SH3GL2: variants seen among roughly 807,000 people sequenced by gnomAD.
SH3GL2 encodes the protein SH3 domain containing GRB2 like 2, endophilin A1, also known as endophilin-A1.
Under a neutral mutation model 46.0 loss-of-function variants are expected in SH3GL2, and 24 were observed. The observed-to-expected ratio is 0.52, with a 90% CI of 0.38 to 0.73. The LOEUF is 0.73. SH3GL2 is among the 30% of genes least tolerant of loss of function. The pLI is 0.00. For missense variants in SH3GL2, 413 were observed against 424.2 expected, an observed-to-expected ratio of 0.97 and a Z score of 0.23; for synonymous variants, 196 against 147.1, an observed-to-expected ratio of 1.33 and a Z score of -2.40.
chr9:17,649,950 A>G (rs568372987), intron 1 of SH3GL2, among the ~76,000 whole-genome samples: 73 of 152,328 alleles, frequency 4.8e-4, no homozygotes, highest in African/African-American at 1.6e-3. Context: ...GAAAAAAAGT[A>G]TAGAATGGCT....
chr9:17,697,334 C>T (rs60705810), intron 1 of SH3GL2, among the ~76,000 whole-genome samples: 11,851 of 151,784 alleles, frequency 0.078, 1,514 homozygotes, highest in African/African-American at 0.27. Context: ...AGGGATTCTT[C>T]TGCCTCAGCC....
chr9:17,702,646 C>A (rs533143885), intron 1 of SH3GL2, among the ~76,000 whole-genome samples: 23 of 152,060 alleles, frequency 1.5e-4, no homozygotes, highest in African/African-American at 5.3e-4. Flanking sequence ...TAAAAGAGTC[C>A]TTTTTTCCCT....
intron 1 of SH3GL2, among the ~76,000 whole-genome samples, chr9:17,644,814 A>G (rs1198429129): frequency 6.6e-6 from 1 of 152,064 alleles, no homozygotes; most frequent in East Asian, 1.9e-4. Context: ...TTTGGGGTGG[A>G]GAGTTCTGTA....
intron 1 of SH3GL2, among the ~76,000 whole-genome samples, chr9:17,740,852 A>C (rs994962096): frequency 6.6e-6 from 1 of 152,154 alleles, no homozygotes; most frequent in Non-Finnish European, 1.5e-5. Flanking sequence ...CTAAAAACAG[A>C]TCTAGTGTTA....
intron 3 of SH3GL2, among the ~76,000 whole-genome samples, chr9:17,773,967 T>G (rs1823567969): frequency 6.6e-6 from 1 of 152,160 alleles, no homozygotes; most frequent in African/African-American, 2.4e-5. Context: ...CTTTTAAAAT[T>G]TCTTTCAGCA....
At chr9:17,592,104 C>A in intron 1 of SH3GL2, among the ~76,000 whole-genome samples, 1 of 152,130 alleles carries the variant, frequency 6.6e-6, no homozygotes, top group East Asian at 1.9e-4. Flanking sequence ...TAATACAGTC[C>A]AAGTCCAAAG....
Position 17,716,820 on chromosome 9 carries a change from C to T in SH3GL2, c.46-30246C>T, listed in dbSNP as rs559029978. Among the ~76,000 whole-genome samples, 324 of 152,246 alleles carry T rather than the reference C, an allele frequency of 2.1e-3. 4 individuals are homozygous for T. Among genetic ancestry groups the T allele is most frequent in the Admixed American group, 6.2e-3 (94 of 15,280 alleles). On this transcript the variant is annotated intron_variant, in intron 1 of 8. Transcript: ENST00000380607. ...TTGTGACCTGGAAAATCTCTCAAAG[C>T]AGTAAACTGGGAGAGTTGTAGGGCT...
At chr9:17,786,649 A>G in intron 4 of SH3GL2, 125 bp downstream of exon 4, 5 of 872,518 alleles carry the variant, frequency 5.7e-6, no homozygotes, top group East Asian at 2.5e-5. Context: ...TAGATCCTAC[A>G]CACATGGGCC....
intron 1 of SH3GL2, among the ~76,000 whole-genome samples, chr9:17,586,396 G>T (rs1319736422): frequency 6.6e-6 from 1 of 152,108 alleles, no homozygotes; most frequent in Non-Finnish European, 1.5e-5. Flanking sequence ...ATAAAAAATA[G>T]AAATATCTTT....
chr9:17,775,512 G>A (rs1319031318), intron 3 of SH3GL2, among the ~76,000 whole-genome samples: 1 of 152,156 alleles, frequency 6.6e-6, no homozygotes, highest in Admixed American at 6.5e-5. Context: ...ATAGTTATAG[G>A]ATGAAATCTG....
intron 1 of SH3GL2, among the ~76,000 whole-genome samples, chr9:17,676,326 C>T (rs1379104186): frequency 6.6e-6 from 1 of 152,110 alleles, no homozygotes; most frequent in South Asian, 2.1e-4. Context: ...ATATCACAGG[C>T]TGGGCACGGT....
At chr9:17,723,712 TC>T (rs1319418993) in intron 1 of SH3GL2, among the ~76,000 whole-genome samples, 1 of 152,114 alleles carries the variant, frequency 6.6e-6, no homozygotes, top group Non-Finnish European at 1.5e-5. Flanking sequence ...CCTGAGGATT[TC>T]TGCTACCTAT....
chr9:17,665,880 C>T (rs1316215254), intron 1 of SH3GL2, among the ~76,000 whole-genome samples: 1 of 148,276 alleles, frequency 6.7e-6, no homozygotes, highest in African/African-American at 2.5e-5. Flanking sequence ...TCCATCCATC[C>T]ATCCATCTAG....
intron 1 of SH3GL2, among the ~76,000 whole-genome samples, chr9:17,637,754 A>G (rs979493748): frequency 6.6e-6 from 1 of 152,230 alleles, no homozygotes; most frequent in Non-Finnish European, 1.5e-5. Flanking sequence ...TGGGTGCTTT[A>G]TGGAGTCACA....
chr9:17,669,748 A>C (rs1204288353), intron 1 of SH3GL2, among the ~76,000 whole-genome samples: 1 of 152,148 alleles, frequency 6.6e-6, no homozygotes, highest in East Asian at 1.9e-4. Flanking sequence ...AGTCTTCCAC[A>C]TTCCTCTGAG....
chr9:17,689,171 A>G (rs1486507095), intron 1 of SH3GL2, among the ~76,000 whole-genome samples: 1 of 152,116 alleles, frequency 6.6e-6, no homozygotes, highest in Admixed American at 6.6e-5. Context: ...CATCATGAGA[A>G]AGAAACACCA....
intron 1 of SH3GL2, among the ~76,000 whole-genome samples, chr9:17,691,342 A>G (rs1821072271): frequency 1.3e-5 from 2 of 152,208 alleles, no homozygotes; most frequent in South Asian, 2.1e-4. Flanking sequence ...ACAGTTATCA[A>G]TAAAAACATT....
intron 1 of SH3GL2, among the ~76,000 whole-genome samples, chr9:17,716,447 G>A (rs956576075): frequency 5.9e-5 from 9 of 152,262 alleles, no homozygotes; most frequent in Admixed American, 2.0e-4. Context: ...CTTGCTTTGC[G>A]CTACTGAGAT....
chr9:17,627,130 C>A, intron 1 of SH3GL2, among the ~76,000 whole-genome samples: 1 of 152,154 alleles, frequency 6.6e-6, no homozygotes, highest in African/African-American at 2.4e-5. Flanking sequence ...GTAAAAACTG[C>A]CAGATTCCAA....
Sources: gnomAD v4.1 joint callset for allele counts (sites outside exome capture counted in the v4.1 genomes callset) on GRCh38, gnomAD v4.1.1 for gene constraint, MANE v1.5 for transcripts, NCBI Gene and HGNC (gene_info 2026-07-23, HGNC 2026-07-21) for gene names.